NRXN3: variants seen among roughly 807,000 people sequenced by gnomAD.
NRXN3 encodes the protein neurexin III.
A neutral mutation model predicts 137.6 loss-of-function variants in NRXN3; 32 were observed. The ratio of observed to expected loss-of-function variants is 0.23; its 90% CI spans 0.18 to 0.31. NRXN3 has a LOEUF of 0.31. NRXN3 is among the 10% of genes least tolerant of loss of function. The probability of loss-of-function intolerance (pLI) is 1.00; values close to 1 mark genes in which losing one functional copy is unlikely to be tolerated. For missense variants in NRXN3, 1,574 were observed against 2,062.5 expected (o/e 0.76, Z 4.59); for synonymous variants, 798 against 784.5 (o/e 1.02, Z -0.29).
At chr14:78,190,652 T>TTTAC (rs200502082) in intron 1 of NRXN3, among the ~76,000 whole-genome samples, 13,836 of 67,118 alleles carry the variant, frequency 0.21, 791 homozygotes, top group Admixed American at 0.31. Context: ...TATTTATTTA[T>TTTAC]TTACTTACTT....
rs748055286 is a variant in NRXN3, at chr14:78,709,265, C to T, written c.1270C>T (p.Arg424Trp). 18 of 1,613,914 alleles carry T rather than the reference C, an allele frequency of 1.1e-5. No homozygotes were observed. The highest frequency in any genetic ancestry group is 1.6e-4 in the Middle Eastern group (1 of 6,084). Reference sequence around the variant, plus strand: ...CCGTCTGGAGCTGTCTCGCCTGGCCCGGATTGCGGACACCAAGATGAAAAT... The same window carrying T: ...CCGTCTGGAGCTGTCTCGCCTGGCCTGGATTGCGGACACCAAGATGAAAAT... ...DIRLELSRLA[R>W]IADTKMKIYG... The change falls in exon 7 of 21, where the codon CGG (arginine) becomes TGG (tryptophan). Residue 424 changes from arginine (R) to tryptophan (W), a missense_variant. Coordinates refer to ENST00000335750, the MANE Select transcript of NRXN3 (RefSeq NM_001330195.2).
intron 10 of NRXN3, among the ~76,000 whole-genome samples, chr14:78,901,732 TG>T (rs747724389): frequency 3.2e-4 from 49 of 152,040 alleles, no homozygotes; most frequent in Non-Finnish European, 6.2e-4. Context: ...GTGGGCCAGA[TG>T]GGGCACAGGC....
chr14:79,711,061 A>G (rs1205676850), intron 19 of NRXN3, among the ~76,000 whole-genome samples: 1 of 152,236 alleles, frequency 6.6e-6, no homozygotes, highest in South Asian at 2.1e-4. Context: ...TTTCTATTCA[A>G]AAAAGACCAA....
At chr14:78,258,854 C>T (rs149452836) in intron 2 of NRXN3, among the ~76,000 whole-genome samples, 60 of 152,228 alleles carry the variant, frequency 3.9e-4, no homozygotes, top group African/African-American at 1.1e-3. Context: ...CATTCCTGGC[C>T]GGGCGCGGTG....
intron 15 of NRXN3, among the ~76,000 whole-genome samples, chr14:79,075,129 A>G (rs938346708): frequency 6.6e-6 from 1 of 152,156 alleles, no homozygotes; most frequent in Non-Finnish European, 1.5e-5. Flanking sequence ...AAAATCTCTT[A>G]CTTCATTTGC....
intron 4 of NRXN3, among the ~76,000 whole-genome samples, chr14:78,605,049 T>G (rs1282838498): frequency 1.3e-5 from 2 of 152,182 alleles, no homozygotes; most frequent in African/African-American, 4.8e-5. Context: ...GAAATTTTCC[T>G]AAAGGCATGA....
At chr14:78,705,493 T>C (rs2098337326) in intron 6 of NRXN3, among the ~76,000 whole-genome samples, 1 of 152,186 alleles carries the variant, frequency 6.6e-6, no homozygotes, top group Non-Finnish European at 1.5e-5. Flanking sequence ...CTTTTCCTCT[T>C]GGTAGATAAA....
chr14:79,157,260 T>C (rs2060335008), intron 15 of NRXN3, among the ~76,000 whole-genome samples: 1 of 151,814 alleles, frequency 6.6e-6, no homozygotes, highest in Non-Finnish European at 1.5e-5. Context: ...CTAAATATTT[T>C]CACTTTGATT....
intron 10 of NRXN3, among the ~76,000 whole-genome samples, chr14:78,861,305 T>C (rs537870304): frequency 3.3e-5 from 5 of 152,290 alleles, no homozygotes; most frequent in African/African-American, 9.6e-5. Context: ...TTTAGGAATA[T>C]TTGTATCTGT....
intron 14 of NRXN3, among the ~76,000 whole-genome samples, chr14:78,979,513 C>G (rs905566543): frequency 1.3e-5 from 2 of 151,984 alleles, no homozygotes; most frequent in Non-Finnish European, 2.9e-5. Flanking sequence ...CTACTGTTCA[C>G]TCATTTTTTT....
intron 19 of NRXN3, 58 bp downstream of exon 19, chr14:79,697,995 T>A: frequency 6.9e-7 from 1 of 1,457,786 alleles, no homozygotes; most frequent in Non-Finnish European, 9.5e-7. Context: ...AACATTGTTA[T>A]CATGGTCATT....
intron 8 of NRXN3, among the ~76,000 whole-genome samples, chr14:78,764,265 C>T (rs1371562193): frequency 6.6e-6 from 1 of 152,302 alleles, no homozygotes; most frequent in Non-Finnish European, 1.5e-5. Context: ...ATAAAGTTAT[C>T]GGTTGCATGT....
At position 78,709,376 on chromosome 14, in the gene NRXN3, C is replaced by T; in HGVS notation, c.1381C>T (p.Pro461Ser). 1 of 1,614,128 alleles carries T rather than the reference C, an allele frequency of 6.2e-7. No individual in the cohort carries two copies. ...FETPEAYISL[P>S]KWNTKRMGSI... ...GACCCCAGAGGCTTACATCAGCTTGCCCAAGTGGAACACTAAACGTATGGG... is the reference window on the plus strand; with the variant it reads ...GACCCCAGAGGCTTACATCAGCTTGTCCAAGTGGAACACTAAACGTATGGG... The change falls in exon 7 of 21, where the codon CCC becomes TCC. Residue 461 changes from proline to serine, a missense_variant. Coordinates refer to ENST00000335750, the MANE Select transcript of NRXN3 (RefSeq NM_001330195.2).
At chr14:78,778,758 C>T (rs1255277316) in intron 8 of NRXN3, among the ~76,000 whole-genome samples, 16 of 97,200 alleles carry the variant, frequency 1.6e-4, no homozygotes, top group African/African-American at 5.7e-4. Context: ...TTCCTTCTTT[C>T]TCTTTCTTTC....
chr14:78,318,414 G>A (rs1214457941), intron 4 of NRXN3, among the ~76,000 whole-genome samples: 1 of 152,166 alleles, frequency 6.6e-6, no homozygotes, highest in African/African-American at 2.4e-5. Context: ...GACATGGATT[G>A]CTATTGATGG....
intron 15 of NRXN3, among the ~76,000 whole-genome samples, chr14:79,399,582 A>T (rs2153488217): frequency 6.6e-6 from 1 of 152,308 alleles, no homozygotes; most frequent in East Asian, 1.9e-4. Flanking sequence ...AGATGAGGAG[A>T]AAAAATAATA....
At chr14:79,546,007 T>G (rs2097315809) in intron 16 of NRXN3, among the ~76,000 whole-genome samples, 1 of 152,084 alleles carries the variant, frequency 6.6e-6, no homozygotes, top group Non-Finnish European at 1.5e-5. Context: ...TGAGGTCTGA[T>G]GGTTATTATA....
intron 1 of NRXN3, among the ~76,000 whole-genome samples, chr14:78,230,917 T>C (rs1276351336): frequency 1.3e-5 from 2 of 152,166 alleles, no homozygotes; most frequent in African/African-American, 4.8e-5. Context: ...GACTGCTGTA[T>C]GGAAAATATT....
At chr14:78,867,747 A>G (rs1409664410) in intron 10 of NRXN3, among the ~76,000 whole-genome samples, 3 of 152,262 alleles carry the variant, frequency 2.0e-5, no homozygotes, top group South Asian at 2.1e-4. Context: ...CCAGTTTATT[A>G]ACATTAGATT....
Sources: allele counts gnomAD v4.1 joint callset (sites outside exome capture counted in the v4.1 genomes callset), GRCh38; gene constraint gnomAD v4.1.1; transcripts MANE v1.5; gene names NCBI Gene and HGNC (gene_info 2026-07-23, HGNC 2026-07-21).